The following PDS5B variants were observed in gnomAD, a reference collection of about 807,000 sequenced individuals.
PDS5B encodes sister chromatid cohesion protein PDS5 homolog B.
Under a neutral mutation model 184.1 loss-of-function variants are expected in PDS5B, and 51 were observed. The observed-to-expected ratio is 0.28, with a 90% confidence interval of 0.22 to 0.35. PDS5B has a LOEUF of 0.35. Among genes scored for constraint, PDS5B ranks in the 10% least tolerant of loss-of-function variants. The pLI, the probability that PDS5B is intolerant of heterozygous loss-of-function variation, is 1.00. For synonymous variants in PDS5B, 566 were observed against 569.2 expected (o/e 0.99, Z 0.08); for missense variants, 1,180 against 1,723.3 (o/e 0.68, Z 5.58).
intron 19 of PDS5B, among the ~76,000 whole-genome samples, chr13:32,711,952 C>T (rs1279939471): frequency 6.6e-6 from 1 of 152,114 alleles, no homozygotes; most frequent in African/African-American, 2.4e-5. Context: ...ATCTAATGTT[C>T]AAGTGGTAAA....
chr13:32,643,851 A>G (rs1950159452), intron 1 of PDS5B, among the ~76,000 whole-genome samples: 1 of 152,170 alleles, frequency 6.6e-6, no homozygotes, highest in Admixed American at 6.5e-5. Flanking sequence ...GTATCCCATC[A>G]TTAAGTGATG....
intron 9 of PDS5B, among the ~76,000 whole-genome samples, chr13:32,677,242 G>A (rs1175723900): frequency 6.6e-6 from 1 of 151,782 alleles, no homozygotes; most frequent in East Asian, 1.9e-4. Flanking sequence ...TAGACAGTAG[G>A]AAAGAATATC....
At chr13:32,606,199 T>C (rs913746349) in intron 1 of PDS5B, among the ~76,000 whole-genome samples, 21 of 152,368 alleles carry the variant, frequency 1.4e-4, no homozygotes, top group African/African-American at 4.6e-4. Context: ...TTGCAGTGGC[T>C]GGTACTGGTT....
intron 1 of PDS5B, among the ~76,000 whole-genome samples, chr13:32,622,580 T>G (rs1194046882): frequency 1.3e-5 from 2 of 152,240 alleles, no homozygotes; most frequent in Non-Finnish European, 2.9e-5. Flanking sequence ...TCTTATGTCT[T>G]TACTAGTTTT....
chr13:32,773,406 T>G (rs998724041), intron 34 of PDS5B, 82 bp downstream of exon 34: 2 of 1,190,018 alleles, frequency 1.7e-6, no homozygotes, highest in African/African-American at 3.1e-5. Flanking sequence ...AGTACTTGTT[T>G]AGTATTTATA....
At chr13:32,679,058 G>T in intron 10 of PDS5B, 129 bp downstream of exon 10, 8 of 504,094 alleles carry the variant, frequency 1.6e-5, no homozygotes, top group Middle Eastern at 4.8e-4. Flanking sequence ...TTAAGGTCAT[G>T]GAAGTTGTTC....
At chr13:32,630,296 T>G (rs1014264462) in intron 1 of PDS5B, among the ~76,000 whole-genome samples, 1 of 152,174 alleles carries the variant, frequency 6.6e-6, no homozygotes, top group African/African-American at 2.4e-5. Context: ...AGAACAGACC[T>G]AGAGCAGTAG....
At chr13:32,630,737 T>C (rs1451570436) in intron 1 of PDS5B, among the ~76,000 whole-genome samples, 1 of 152,162 alleles carries the variant, frequency 6.6e-6, no homozygotes, top group East Asian at 1.9e-4. Context: ...AAATGTCACC[T>C]TGTCATAGAG....
At chr13:32,697,675 A>G (rs1360480740) in intron 15 of PDS5B, among the ~76,000 whole-genome samples, 1 of 152,170 alleles carries the variant, frequency 6.6e-6, no homozygotes, top group Non-Finnish European at 1.5e-5. Flanking sequence ...GTAACTTGCT[A>G]AAGCAAGTTG....
At position 32,753,327 on chromosome 13, in the gene PDS5B, T is replaced by C. The variant is rs770685177; in HGVS notation, c.2737-5T>C. On this transcript the variant is annotated splice_polypyrimidine_tract_variant and splice_region_variant and intron_variant, in intron 24 of 34. Coordinates refer to ENST00000315596, the MANE Select transcript of PDS5B (RefSeq NM_015032.4). Reference sequence around the variant, plus strand: ...ATAATATCTGGAATAATTGTGTCTTTACAGGATGAATGCTATCAAGTAAGA... The same window carrying C: ...ATAATATCTGGAATAATTGTGTCTTCACAGGATGAATGCTATCAAGTAAGA... 6.0e-5 allele frequency: 96 copies of C among 1,609,416 alleles called. No individual in the cohort carries two copies. The highest frequency in any genetic ancestry group is 7.8e-5 in the Non-Finnish European group (92 of 1,176,168).
At chr13:32,590,082 T>C (rs2057750958) in intron 1 of PDS5B, among the ~76,000 whole-genome samples, 3 of 152,192 alleles carry the variant, frequency 2.0e-5, no homozygotes, top group African/African-American at 7.2e-5. Flanking sequence ...TTAAAGCCTT[T>C]GAGGTTTAAA....
Position 32,644,313 on chromosome 13 carries a change from T to C in PDS5B, c.-19-4441T>C, listed in dbSNP as rs116000790. ...CATATGATAGAAATGCACTTTTGGC[T>C]TAACTATATTTTAAATTTACAATGG... is the stretch of plus-strand genomic sequence containing the variant. On this transcript the variant is annotated intron_variant, in intron 1 of 34. Transcript: ENST00000315596. Among the ~76,000 whole-genome samples, 923 of 152,330 alleles carry C rather than the reference T, an allele frequency of 6.1e-3. 7 individuals carry two copies. Among genetic ancestry groups the C allele is most frequent in the African/African-American group, 0.021 (883 of 41,576 alleles).
At chr13:32,731,308 C>T (rs1953113767) in intron 19 of PDS5B, among the ~76,000 whole-genome samples, 1 of 152,132 alleles carries the variant, frequency 6.6e-6, no homozygotes, top group South Asian at 2.1e-4. Flanking sequence ...AGTTTAAGAG[C>T]TCCTTTATTC....
chr13:32,764,601 T>A lies in PDS5B; in HGVS notation c.3624+7T>A. On this transcript the variant is annotated splice_region_variant and intron_variant, in intron 31 of 34. Transcript: ENST00000315596. ...CGACTCTGATCTTGTAAGGGTGAGA[T>A]ATTTGCATTGATTTTATAATAATAT... The A allele has an allele frequency of 6.8e-7, 1 of 1,477,636 alleles. No homozygotes were observed. Among genetic ancestry groups the A allele is most frequent in the Non-Finnish European group, 9.3e-7 (1 of 1,072,264 alleles). 91.5% of individuals were successfully genotyped at this position (1,477,636 alleles called of 1,614,324 possible). A position where few individuals can be genotyped will look rare whatever the true frequency, so the allele number is the denominator to read the frequency against.
At chr13:32,675,118 G>A (rs1951032184) in intron 8 of PDS5B, among the ~76,000 whole-genome samples, 1 of 152,122 alleles carries the variant, frequency 6.6e-6, no homozygotes, top group African/African-American at 2.4e-5. Context: ...AATTTGTGTA[G>A]TGACATTTCC....
At chr13:32,740,159 G>T (rs1462625262) in intron 21 of PDS5B, among the ~76,000 whole-genome samples, 1 of 152,088 alleles carries the variant, frequency 6.6e-6, no homozygotes, top group African/African-American at 2.4e-5. Flanking sequence ...TTAGAATTCT[G>T]TGTTTCAAGT....
rs541765168 is a variant in PDS5B, at chr13:32,630,202, C to G, written c.-19-18552C>G. ...GTACATTATCACATGCATGCAAACT[C>G]TGTATACTCTTTTAGATGACTATAG... On this transcript the variant is annotated intron_variant, in intron 1 of 34. Coordinates refer to ENST00000315596, the MANE Select transcript of PDS5B (RefSeq NM_015032.4). Among the ~76,000 whole-genome samples the G allele has an allele frequency of 6.6e-5, 10 of 152,348 alleles. No homozygotes were observed. The East Asian group carries it at 1.9e-3, about 29-fold the overall frequency.
chr13:32,723,928 T>C (rs1211555250), intron 19 of PDS5B, among the ~76,000 whole-genome samples: 23 of 152,236 alleles, frequency 1.5e-4, no homozygotes, highest in African/African-American at 5.3e-4. Context: ...TCCCCAGGTA[T>C]TCACCAACCA....
At chr13:32,744,890 G>A (rs1953689866) in intron 23 of PDS5B, among the ~76,000 whole-genome samples, 2 of 152,052 alleles carry the variant, frequency 1.3e-5, no homozygotes, top group South Asian at 4.2e-4. Flanking sequence ...AGTGCTATAT[G>A]TACACAATAG....
Sources: allele counts gnomAD v4.1 joint callset (sites outside exome capture counted in the v4.1 genomes callset), GRCh38; gene constraint gnomAD v4.1.1; transcripts MANE v1.5; gene names NCBI Gene and HGNC (gene_info 2026-07-23, HGNC 2026-07-21).